COL23A1: variants seen among roughly 807,000 people sequenced by gnomAD.
COL23A1 encodes the protein collagen alpha-1(XXIII) chain.
A neutral mutation model predicts 99.3 loss-of-function variants in COL23A1; 97 were observed. The ratio of observed to expected loss-of-function variants is 0.98; its 90% CI spans 0.83 to 1.16. The LOEUF (loss-of-function observed/expected upper bound fraction) is 1.16. Ranked by LOEUF, COL23A1 falls within the 50% of genes most tolerant of loss-of-function variation. COL23A1 has a pLI of 0.00. For synonymous variants in COL23A1, 320 were observed against 308.2 expected (o/e 1.04, Z -0.40); for missense variants, 762 against 757.4 (o/e 1.01, Z -0.07).
chr5:178,338,401 C>T (rs572005139), intron 2 of COL23A1, among the ~76,000 whole-genome samples: 48 of 152,346 alleles, frequency 3.2e-4, no homozygotes, highest in African/African-American at 1.1e-3. Flanking sequence ...CCACAACCCA[C>T]AGGACTCTCA....
At chr5:178,584,919 T>C (rs1229804179) in intron 1 of COL23A1, among the ~76,000 whole-genome samples, 2 of 152,138 alleles carry the variant, frequency 1.3e-5, no homozygotes, top group Non-Finnish European at 2.9e-5. Flanking sequence ...GCATGTGCTA[T>C]GATATGGGAA....
At chr5:178,455,280 C>T (rs1401405994) in intron 2 of COL23A1, among the ~76,000 whole-genome samples, 4 of 152,160 alleles carry the variant, frequency 2.6e-5, no homozygotes, top group Admixed American at 6.5e-5. Flanking sequence ...CGTGGGCCCG[C>T]CCTAAACCTT....
intron 4 of COL23A1, among the ~76,000 whole-genome samples, 185 bp downstream of exon 4, chr5:178,290,177 C>A (rs1381785919): frequency 1.3e-5 from 2 of 152,198 alleles, no homozygotes; most frequent in East Asian, 1.9e-4. Flanking sequence ...AGTGATCTGT[C>A]CACCTTGGCC....
At chr5:178,580,804 G>C (rs539779617) in intron 1 of COL23A1, among the ~76,000 whole-genome samples, 22 of 152,300 alleles carry the variant, frequency 1.4e-4, no homozygotes, top group Non-Finnish European at 3.1e-4. Context: ...AGGGCTGCTT[G>C]AGTCCAGCAG....
In COL23A1 at chr5:178,311,725, TTTGTTTTGTTTTG is replaced by T. The variant is rs1321772046; in HGVS notation, c.362-4819_362-4807del. ...GAGCCACTGTGTAACTGTTTTTTGT[TTTGTTTTGTTTTG>T]TTTTTTTTTTGAGACGGAGTCTCAC... is the stretch of plus-strand genomic sequence containing the variant. On this transcript the variant is annotated intron_variant, in intron 2 of 28. Transcript: ENST00000390654. Among the ~76,000 whole-genome samples the T allele has an allele frequency of 2.0e-3, 22 of 10,792 alleles. 8 individuals are homozygous for T. The highest frequency in any genetic ancestry group is 3.3e-3 in the Non-Finnish European group (9 of 2,710). 7.1% of individuals were successfully genotyped at this position (10,792 alleles called of 152,430 possible).
intron 2 of COL23A1, among the ~76,000 whole-genome samples, chr5:178,377,203 C>T (rs886891630): frequency 2.6e-5 from 4 of 152,216 alleles, no homozygotes; most frequent in Non-Finnish European, 4.4e-5. Context: ...CTATGATTAA[C>T]GTAATTCCAA....
chr5:178,304,306 C>A (rs1254462163), intron 3 of COL23A1, among the ~76,000 whole-genome samples: 1 of 152,100 alleles, frequency 6.6e-6, no homozygotes, highest in Admixed American at 6.5e-5. Flanking sequence ...GCCAGGTGTT[C>A]AAGACCAGCC....
At chr5:178,293,397 G>C (rs975663398) in intron 3 of COL23A1, among the ~76,000 whole-genome samples, 74 of 152,258 alleles carry the variant, frequency 4.9e-4, no homozygotes, top group African/African-American at 1.7e-3. Context: ...GGGAGTTCGG[G>C]CAAGTTCTCT....
chr5:178,403,830 A>C (rs1365964526), intron 2 of COL23A1, among the ~76,000 whole-genome samples: 1 of 152,256 alleles, frequency 6.6e-6, no homozygotes, highest in African/African-American at 2.4e-5. Context: ...CCTTGATTGA[A>C]GTGTTGATCT....
At chr5:178,276,707 G>C (rs1166538365) in intron 5 of COL23A1, among the ~76,000 whole-genome samples, 3 of 152,240 alleles carry the variant, frequency 2.0e-5, no homozygotes. Context: ...CCGGGGCTTA[G>C]CAATTTCCCA....
At chr5:178,253,738 C>T (rs1208963759) in intron 16 of COL23A1, among the ~76,000 whole-genome samples, 4 of 151,998 alleles carry the variant, frequency 2.6e-5, no homozygotes, top group African/African-American at 9.7e-5. Context: ...GCCTCGGGCT[C>T]CCAAAGTGCT....
rs1231026866 is a variant in COL23A1 at position 178,366,248 on chromosome 5, C to G, written c.362-59329G>C. 6.6e-6 allele frequency among the ~76,000 whole-genome samples: 1 copy of G among 152,222 alleles called. No individual in the cohort carries two copies. Among genetic ancestry groups the G allele is most frequent in the African/African-American group, 2.4e-5 (1 of 41,454 alleles). ...GCTGAAGGGCCTGCTCCCAGCCCAGCTTGGCTGTCCAGTGGGGAGGGGCAC... is the reference window on the plus strand; with the variant it reads ...GCTGAAGGGCCTGCTCCCAGCCCAGGTTGGCTGTCCAGTGGGGAGGGGCAC... On this transcript the variant is annotated intron_variant, in intron 2 of 28. Transcript: ENST00000390654. This position sits in a 1 kb window ranked among gnomAD's most constrained non-coding sequence, Gnocchi z 4.4.
chr5:178,364,640 G>A (rs549240446), intron 2 of COL23A1, among the ~76,000 whole-genome samples: 2 of 152,270 alleles, frequency 1.3e-5, no homozygotes, highest in Admixed American at 6.5e-5. Flanking sequence ...TCGGGGAGGC[G>A]CCTGGGAACT....
At chr5:178,401,398 T>C (rs147734820) in intron 2 of COL23A1, among the ~76,000 whole-genome samples, 21 of 152,362 alleles carry the variant, frequency 1.4e-4, no homozygotes, top group African/African-American at 4.8e-4. Context: ...AAATGAAGCA[T>C]AAAGCATGTA....
chr5:178,296,426 G>C lies in COL23A1; in HGVS notation c.407-6057C>G, dbSNP rs568973659. ...AGGCCCAGAAAGGCTACCATGCCCA[G>C]GGTCATGTCCTCTTCTGACCTGGGG... On this transcript the variant is annotated intron_variant, in intron 3 of 28. Transcript: ENST00000390654. Among the ~76,000 whole-genome samples, 244 of 152,304 alleles carry C rather than the reference G, an allele frequency of 1.6e-3. 1 individual carries two copies. The highest frequency in any genetic ancestry group is 5.7e-3 in the African/African-American group (238 of 41,556).
chr5:178,243,994 T>C (rs1764543347), intron 25 of COL23A1, among the ~76,000 whole-genome samples: 1 of 152,182 alleles, frequency 6.6e-6, no homozygotes, highest in South Asian at 2.1e-4. Context: ...ATGTTCTTTT[T>C]TTTGAGACGG....
At chr5:178,489,961 T>C (rs1421536134) in intron 2 of COL23A1, among the ~76,000 whole-genome samples, 1 of 152,074 alleles carries the variant, frequency 6.6e-6, no homozygotes, top group Non-Finnish European at 1.5e-5. Context: ...TGGCTGGGTG[T>C]GGTGGTTCAC....
chr5:178,542,637 A>G (rs1761352757), intron 2 of COL23A1, among the ~76,000 whole-genome samples: 1 of 149,698 alleles, frequency 6.7e-6, no homozygotes, highest in Admixed American at 6.7e-5. Flanking sequence ...GAAGAGGTCC[A>G]GGAAGGCAGG....
chr5:178,357,867 ATG>A (rs1436825880), intron 2 of COL23A1, among the ~76,000 whole-genome samples: 2 of 142,276 alleles, frequency 1.4e-5, no homozygotes, highest in Non-Finnish European at 3.0e-5. Flanking sequence ...GTGTATGTAT[ATG>A]TGTGTGCATG....
Sources: allele counts gnomAD v4.1 joint callset (sites outside exome capture counted in the v4.1 genomes callset), GRCh38; gene constraint gnomAD v4.1.1; non-coding constraint Gnocchi (gnomAD v3.1); transcripts MANE v1.5; gene names NCBI Gene and HGNC (gene_info 2026-07-23, HGNC 2026-07-21).